Variants in LRRC4C observed in about 807,000 individuals in gnomAD.
LRRC4C encodes the protein leucine rich repeat containing 4C, also known as leucine-rich repeat-containing protein 4C.
In LRRC4C, 5 loss-of-function variants were observed where a neutral mutation model predicts 33.6. The ratio of observed to expected loss-of-function variants is 0.15; its 90% CI spans 0.08 to 0.31. The LOEUF is 0.31. Ranked by LOEUF, LRRC4C falls within the 10% of genes least tolerant of loss-of-function variation. The pLI is 1.00. For synonymous variants in LRRC4C, 329 were observed against 302.0 expected (o/e 1.09, Z -0.93); for missense variants, 560 against 796.7 (o/e 0.70, Z 3.58).
chr11:41,183,289 C>T lies in LRRC4C; in HGVS notation c.-495-249566G>A, dbSNP rs555285282. Among the ~76,000 whole-genome samples, 4 of 152,254 alleles carry T rather than the reference C, an allele frequency of 2.6e-5. No homozygotes were observed. The East Asian group carries it at 7.7e-4, about 29-fold the overall frequency. On this transcript the variant is annotated intron_variant, in intron 1 of 6. Coordinates refer to ENST00000528697, the MANE Select transcript of LRRC4C (RefSeq NM_001258419.2). ...AACTGAAAAGTCCACAGTCTAAAGT[C>T]TCATCCAAGACAAGGCAAGTCCCTG...
chr11:40,218,606 G>C (rs370592257), intron 5 of LRRC4C, among the ~76,000 whole-genome samples: 21,127 of 61,144 alleles, frequency 0.35, 2,034 homozygotes, highest in Admixed American at 0.5. Flanking sequence ...ATGTATGTAT[G>C]TATGTATGTA....
chr11:41,290,243 A>G (rs1409963875), intron 1 of LRRC4C, among the ~76,000 whole-genome samples: 1 of 152,192 alleles, frequency 6.6e-6, no homozygotes, highest in Non-Finnish European at 1.5e-5. Context: ...TGCTTTTTTA[A>G]TGCAATGACA....
chr11:40,333,970 C>T (rs998126973), intron 3 of LRRC4C, among the ~76,000 whole-genome samples: 1 of 152,034 alleles, frequency 6.6e-6, no homozygotes, highest in Admixed American at 6.6e-5. Flanking sequence ...AGTTAGATAA[C>T]CCCAATTATC....
intron 2 of LRRC4C, among the ~76,000 whole-genome samples, chr11:40,810,060 T>C (rs1379946983): frequency 6.6e-6 from 1 of 152,220 alleles, no homozygotes. Flanking sequence ...CTCTATTTAT[T>C]ACCTCCATTC....
At chr11:40,812,427 T>C (rs1481654778) in intron 2 of LRRC4C, among the ~76,000 whole-genome samples, 1 of 152,166 alleles carries the variant, frequency 6.6e-6, no homozygotes, top group Non-Finnish European at 1.5e-5. Context: ...ATAGAAATGA[T>C]AATAAAATGA....
chr11:40,249,490 A>G (rs555058534), intron 4 of LRRC4C, among the ~76,000 whole-genome samples: 1 of 151,666 alleles, frequency 6.6e-6, no homozygotes, highest in Non-Finnish European at 1.5e-5. Context: ...ATTCAAAGGT[A>G]ATGAGATCAA....
chr11:40,661,169 T>G (rs1047110356), intron 2 of LRRC4C, among the ~76,000 whole-genome samples: 2 of 151,882 alleles, frequency 1.3e-5, no homozygotes, highest in Admixed American at 1.3e-4. Flanking sequence ...TCAATAAAAA[T>G]GTGTTAATAT....
chr11:40,139,957 A>G (rs1857251188), intron 6 of LRRC4C, among the ~76,000 whole-genome samples: 1 of 152,200 alleles, frequency 6.6e-6, no homozygotes, highest in Non-Finnish European at 1.5e-5. Flanking sequence ...GAAACCGTCT[A>G]ATTGATGGGC....
chr11:40,697,154 T>C (rs1945606615), intron 2 of LRRC4C, among the ~76,000 whole-genome samples: 2 of 152,284 alleles, frequency 1.3e-5, no homozygotes, highest in Admixed American at 6.5e-5. Flanking sequence ...TGTTCCATAC[T>C]GCATATATAC....
chr11:41,343,277 A>T (rs1245072473), intron 1 of LRRC4C, among the ~76,000 whole-genome samples: 1 of 152,178 alleles, frequency 6.6e-6, no homozygotes, highest in East Asian at 1.9e-4. Flanking sequence ...ATCTGCAAAC[A>T]TCTCTGCATC....
chr11:40,262,718 A>G (rs1345462566), intron 4 of LRRC4C, among the ~76,000 whole-genome samples: 7 of 152,126 alleles, frequency 4.6e-5, no homozygotes, highest in Admixed American at 1.3e-4. Context: ...ATTCTCAGGA[A>G]ACTAACACAG....
intron 1 of LRRC4C, among the ~76,000 whole-genome samples, chr11:41,388,998 A>T (rs1228382042): frequency 6.6e-6 from 1 of 151,906 alleles, no homozygotes; most frequent in East Asian, 1.9e-4. Context: ...AATGATGTCT[A>T]CATAGCCAAT....
At chr11:41,427,390 AAGAGAT>A (rs1159482638) in intron 1 of LRRC4C, among the ~76,000 whole-genome samples, 1 of 152,176 alleles carries the variant, frequency 6.6e-6, no homozygotes, top group African/African-American at 2.4e-5. Flanking sequence ...TTCTGTCATC[AAGAGAT>A]AGACAATAAA....
At chr11:40,708,957 A>G (rs1002191370) in intron 2 of LRRC4C, among the ~76,000 whole-genome samples, 2 of 152,060 alleles carry the variant, frequency 1.3e-5, no homozygotes, top group African/African-American at 4.8e-5. Context: ...TCCCTTTACC[A>G]TTATATAAGG....
At chr11:40,867,787 A>G (rs915659481) in intron 2 of LRRC4C, among the ~76,000 whole-genome samples, 2 of 152,184 alleles carry the variant, frequency 1.3e-5, no homozygotes, top group African/African-American at 4.8e-5. Context: ...TTCAAGTCAG[A>G]CTTGAAAGCC....
chr11:40,569,054 T>G (rs1375606497), intron 3 of LRRC4C, among the ~76,000 whole-genome samples: 5 of 152,172 alleles, frequency 3.3e-5, no homozygotes, highest in Non-Finnish European at 7.3e-5. Context: ...AGCCGAGACA[T>G]GCAAGACACA....
At chr11:40,126,158 A>G (rs1856205957) in intron 6 of LRRC4C, among the ~76,000 whole-genome samples, 1 of 142,734 alleles carries the variant, frequency 7.0e-6, no homozygotes, top group South Asian at 2.2e-4. Flanking sequence ...AGAAGTTGAG[A>G]TTTACGAAAA....
intron 2 of LRRC4C, among the ~76,000 whole-genome samples, chr11:40,736,860 GTT>G (rs34208575): frequency 0.65 from 92,139 of 142,364 alleles, 29,933 homozygotes; most frequent in Non-Finnish European, 0.7. Context: ...TGATGCGGTT[GTT>G]TTTTTTTTTT....
intron 3 of LRRC4C, among the ~76,000 whole-genome samples, chr11:40,422,369 A>G (rs968844276): frequency 1.3e-5 from 2 of 152,150 alleles, no homozygotes; most frequent in African/African-American, 4.8e-5. Context: ...TTATTTGAAT[A>G]TTTCTTAAAA....
Sources: allele counts gnomAD v4.1 joint callset (sites outside exome capture counted in the v4.1 genomes callset), GRCh38; gene constraint gnomAD v4.1.1; transcripts MANE v1.5; gene names NCBI Gene and HGNC (gene_info 2026-07-23, HGNC 2026-07-21).